The following TAOK1 variants were observed in gnomAD, a reference collection of about 807,000 sequenced individuals.
TAOK1 encodes TAO kinase 1.
In TAOK1, 21 loss-of-function variants were observed where a neutral mutation model predicts 138.3. That is an observed-to-expected ratio of 0.15 (90% CI 0.11 to 0.22). TAOK1 has a LOEUF of 0.22. TAOK1 is among the 10% of genes least tolerant of loss of function. The pLI, the probability that TAOK1 is intolerant of heterozygous loss-of-function variation, is 1.00. For missense variants in TAOK1, 651 were observed against 1,227.7 expected (o/e 0.53, Z 7.02); for synonymous variants, 361 against 398.4 (o/e 0.91, Z 1.12).
At position 29,549,763 on chromosome 17, in the gene TAOK1, G is replaced by C. The variant is rs1445102014; in HGVS notation, c.*6741G>C. On this transcript the variant is annotated 3_prime_UTR_variant, in exon 20 of 20. Transcript: ENST00000261716. ...TATATAACTTACCAAGATGTTGGCT[G>C]TCCTGGTGTATTGCCAGACAGCTCT... is the stretch of plus-strand genomic sequence containing the variant. The C allele has an allele frequency of 1.3e-5, 2 of 152,146 alleles. No individual in the cohort carries two copies. The highest frequency in any genetic ancestry group is 4.8e-5 in the African/African-American group (2 of 41,426). The allele number at this position is 152,146 out of a possible 1,614,324, so 9.4% of individuals were successfully genotyped here. A position where few individuals can be genotyped will look rare whatever the true frequency, so the allele number is the denominator to read the frequency against.
intron 6 of TAOK1, among the ~76,000 whole-genome samples, chr17:29,478,977 T>A (rs1328341198): frequency 6.6e-6 from 1 of 152,094 alleles, no homozygotes; most frequent in Admixed American, 6.6e-5. Context: ...ATATGAAAAT[T>A]AGCTGGGCTT....
At position 29,530,658 on chromosome 17, in the gene TAOK1, C is replaced by T; in HGVS notation, c.2361+39C>T. On this transcript the variant is annotated intron_variant, in intron 18 of 19. Coordinates refer to ENST00000261716, the MANE Select transcript of TAOK1 (RefSeq NM_020791.4). ...TTTTGGGGCAAAACAAATTTAGTGCCCCTTTTCTTCCACCACCTGAACGAA... is the reference window on the plus strand; with the variant it reads ...TTTTGGGGCAAAACAAATTTAGTGCTCCTTTTCTTCCACCACCTGAACGAA... The T allele has an allele frequency of 4.0e-6, 6 of 1,512,956 alleles. No individual in the cohort carries two copies. The South Asian group carries it at 6.7e-5, about 17-fold the overall frequency. The allele number at this position is 1,512,956 out of a possible 1,614,324, so 93.7% of individuals were successfully genotyped here.
intron 1 of TAOK1, among the ~76,000 whole-genome samples, 155 bp downstream of exon 1, chr17:29,391,179 T>G (rs904212710): frequency 2.6e-5 from 4 of 152,018 alleles, no homozygotes; most frequent in Non-Finnish European, 5.9e-5. Context: ...AAGAAGCTGG[T>G]GAGCTGGGCG....
chr17:29,502,461 T>C, intron 12 of TAOK1, 128 bp from the exon 13 acceptor site: 1 of 1,058,902 alleles, frequency 9.4e-7, no homozygotes, highest in Non-Finnish European at 1.3e-6. Context: ...ATTTCTACTT[T>C]TTGGCTTTGC....
At position 29,390,966 on chromosome 17, in the gene TAOK1, A is replaced by G. The variant is rs1904403900; in HGVS notation, c.-153A>G. The G allele has an allele frequency of 6.6e-6, 1 of 151,886 alleles. No homozygotes were observed. Among genetic ancestry groups the G allele is most frequent in the Non-Finnish European group, 1.5e-5 (1 of 68,012 alleles). 9.4% of individuals were successfully genotyped at this position (151,886 alleles called of 1,614,324 possible). ...CTCCTCACCCTCCAGGGTAGCGGCT[A>G]CCGGAGCGCTGCAGGGGGCTGCGCC... On this transcript the variant is annotated 5_prime_UTR_variant, in exon 1 of 20. Coordinates refer to ENST00000261716, the MANE Select transcript of TAOK1 (RefSeq NM_020791.4).
chr17:29,541,346 G>A (rs1221793290), intron 19 of TAOK1, among the ~76,000 whole-genome samples: 1 of 150,384 alleles, frequency 6.6e-6, no homozygotes, highest in Non-Finnish European at 1.5e-5. Context: ...CTGACCTCAA[G>A]TGATCTACCC....
intron 1 of TAOK1, among the ~76,000 whole-genome samples, chr17:29,447,620 C>T (rs1456514033): frequency 1.3e-5 from 2 of 151,932 alleles, no homozygotes; most frequent in Admixed American, 1.3e-4. Flanking sequence ...ATTACAGGTG[C>T]AAGCTACCTC....
At chr17:29,447,197 C>T (rs937965322) in intron 1 of TAOK1, among the ~76,000 whole-genome samples, 1 of 151,760 alleles carries the variant, frequency 6.6e-6, no homozygotes, top group African/African-American at 2.4e-5. Flanking sequence ...ACTATAGGCA[C>T]CCACCACCAT....
chr17:29,520,916 C>T (rs1017623746), intron 16 of TAOK1, among the ~76,000 whole-genome samples: 25 of 151,542 alleles, frequency 1.6e-4, no homozygotes, highest in Non-Finnish European at 2.7e-4. Flanking sequence ...CCCAGCTACT[C>T]GGGAGGCTGA....
chr17:29,413,408 C>T (rs1905191803), intron 1 of TAOK1, among the ~76,000 whole-genome samples: 1 of 151,984 alleles, frequency 6.6e-6, no homozygotes, highest in Non-Finnish European at 1.5e-5. Context: ...CCAGCTTGGG[C>T]AACATGACAA....
At position 29,544,835 on chromosome 17, in the gene TAOK1, T is replaced by A. The variant is rs1348094988; in HGVS notation, c.*1813T>A. Reference sequence around the variant, plus strand: ...TAGTCAGAGGGCTCCAAGGTAGAACTCTCTAAGTCCCTCTCAATGGCACTC... The same window carrying A: ...TAGTCAGAGGGCTCCAAGGTAGAACACTCTAAGTCCCTCTCAATGGCACTC... On this transcript the variant is annotated 3_prime_UTR_variant, in exon 20 of 20. Transcript: ENST00000261716. 6.6e-6 allele frequency: 1 copy of A among 152,216 alleles called. No homozygotes were observed. Among genetic ancestry groups the A allele is most frequent in the Non-Finnish European group, 1.5e-5 (1 of 68,034 alleles). 9.4% of individuals were successfully genotyped at this position (152,216 alleles called of 1,614,324 possible).
Position 29,542,754 on chromosome 17 carries a change from A to G in TAOK1, c.2738A>G (p.Asn913Ser), listed in dbSNP as rs758135537. ...SYPGASGWSH[N>S]PTGGPGPHWG... is the part of the protein sequence containing the mutation. ...CCGGGAGCTTCTGGTTGGTCACACA[A>G]CCCTACTGGGGGTCCAGGACCTCAC... The change falls in exon 20 of 20, where the codon AAC (asparagine) becomes AGC (serine). Residue 913 changes from asparagine to serine, a missense_variant. Asn to Ser is a conservative substitution (Grantham distance 46). This residue lies in a region of TAOK1 where 258 missense variants were observed against 548.9 expected (regional missense o/e 0.47). Coordinates refer to ENST00000261716, the MANE Select transcript of TAOK1 (RefSeq NM_020791.4). 6.2e-7 allele frequency: 1 copy of G among 1,614,012 alleles called. No individual in the cohort carries two copies. The highest frequency in any genetic ancestry group is 8.5e-7 in the Non-Finnish European group (1 of 1,179,994).
chr17:29,439,012 CTTTT>C (rs556387073), intron 1 of TAOK1, among the ~76,000 whole-genome samples: 180 of 151,934 alleles, frequency 1.2e-3, no homozygotes, highest in Non-Finnish European at 1.6e-3. Context: ...TACGTAGACA[CTTTT>C]TTTTCCCTGA....
intron 1 of TAOK1, among the ~76,000 whole-genome samples, chr17:29,412,476 G>C (rs1905171769): frequency 6.6e-6 from 1 of 152,168 alleles, no homozygotes; most frequent in Non-Finnish European, 1.5e-5. Flanking sequence ...GTCCCCAACT[G>C]CTTCAGCTTA....
chr17:29,499,929 G>A (rs1005056237), intron 12 of TAOK1, among the ~76,000 whole-genome samples: 1 of 152,086 alleles, frequency 6.6e-6, no homozygotes, highest in African/African-American at 2.4e-5. Flanking sequence ...AAATGTGGGT[G>A]TTTGCTGCAT....
intron 2 of TAOK1, among the ~76,000 whole-genome samples, chr17:29,464,653 A>G (rs527404308): frequency 4.5e-4 from 69 of 152,162 alleles, no homozygotes; most frequent in Non-Finnish European, 8.2e-4. Context: ...AGTAGAGAAC[A>G]TTTTGGAAAA....
intron 1 of TAOK1, among the ~76,000 whole-genome samples, chr17:29,426,407 A>G (rs1206759438): frequency 6.6e-6 from 1 of 152,230 alleles, no homozygotes; most frequent in Non-Finnish European, 1.5e-5. Flanking sequence ...AGGGTTCTGA[A>G]TCCAAATTAG....
rs958595524 is a variant in TAOK1, at chr17:29,412,811, T to C, written c.-95+21787T>C. Among the ~76,000 whole-genome samples, 4 of 152,322 alleles carry C rather than the reference T, an allele frequency of 2.6e-5. No individual in the cohort carries two copies. In the East Asian group the frequency reaches 7.7e-4, roughly 29 times the overall value. The stretch of plus-strand genomic sequence containing the variant: ...AGCACAGCATAGCTTCATGAACCCA[T>C]ATAAATGTTGATGCTATTCCACTGT... On this transcript the variant is annotated intron_variant, in intron 1 of 19. Transcript: ENST00000261716.
intron 2 of TAOK1, among the ~76,000 whole-genome samples, chr17:29,466,016 A>T (rs565832797): frequency 6.6e-6 from 1 of 152,026 alleles, no homozygotes; most frequent in African/African-American, 2.4e-5. Context: ...CTTCTCTACA[A>T]TTGAATACAT....
Sources: allele counts gnomAD v4.1 joint callset (sites outside exome capture counted in the v4.1 genomes callset), GRCh38; gene constraint gnomAD v4.1.1; regional missense constraint gnomAD v4.1.1; transcripts MANE v1.5; gene names NCBI Gene and HGNC (gene_info 2026-07-23, HGNC 2026-07-21).